USP14: variants seen among roughly 807,000 people sequenced by gnomAD.
The protein encoded by USP14 is ubiquitin specific peptidase 14.
USP14 carries 38 observed loss-of-function variants against 76.5 expected under a neutral mutation model. That is an observed-to-expected ratio of 0.50 (90% CI 0.38 to 0.65). The LOEUF (loss-of-function observed/expected upper bound fraction) is 0.65. USP14 is among the 30% of genes least tolerant of loss of function. The pLI is 0.00. For synonymous variants in USP14, 192 were observed against 191.7 expected (o/e 1.00, Z -0.01); for missense variants, 467 against 586.5 (o/e 0.80, Z 2.10).
chr18:211,418 G>A lies in USP14; in HGVS notation c.*134G>A, dbSNP rs1910666426. ...TCATTTGGAACAAAAGAGGACAGAAGCAGACCACTCTGTGCACCAACCTAA... is the reference window on the plus strand; with the variant it reads ...TCATTTGGAACAAAAGAGGACAGAAACAGACCACTCTGTGCACCAACCTAA... On this transcript the variant is annotated 3_prime_UTR_variant, in exon 16 of 16. Transcript: ENST00000261601. 3.3e-6 allele frequency: 3 copies of A among 915,420 alleles called. No homozygotes were observed. Among genetic ancestry groups the A allele is most frequent in the South Asian group, 2.0e-5 (1 of 49,970 alleles). The allele number at this position is 915,420 out of a possible 1,614,324, so 56.7% of individuals were successfully genotyped here.
chr18:174,460 G>A (rs1909568355), intron 3 of USP14, among the ~76,000 whole-genome samples: 1 of 151,704 alleles, frequency 6.6e-6, no homozygotes, highest in African/African-American at 2.4e-5. Context: ...GAGACGGGGT[G>A]TCACCATGTT....
rs1555603829 is a variant in USP14 at position 213,975 on chromosome 18, T to TAGATAGATAGATAGATTAGA, written c.*2691_*2692insAGATAGATAGATAGATTAGA. On this transcript the variant is annotated 3_prime_UTR_variant, in exon 16 of 16. Transcript: ENST00000261601. The stretch of plus-strand genomic sequence containing the variant: ...TTCTGTAATGGACAAGATAGATAGA[T>TAGATAGATAGATAGATTAGA]TAGATAGATAGATAGATAGATAGAT... 6.7e-6 allele frequency: 1 copy of TAGATAGATAGATAGATTAGA among 150,100 alleles called. No homozygotes were observed. The highest frequency in any genetic ancestry group is 1.5e-5 in the Non-Finnish European group (1 of 67,764). The allele number at this position is 150,100 out of a possible 1,614,324, so 9.3% of individuals were successfully genotyped here. A position where few individuals can be genotyped will look rare whatever the true frequency, so the allele number is the denominator to read the frequency against.
At chr18:159,896 T>C (rs1909068364) in intron 1 of USP14, among the ~76,000 whole-genome samples, 1 of 152,310 alleles carries the variant, frequency 6.6e-6, no homozygotes, top group Non-Finnish European at 1.5e-5. Flanking sequence ...ATTTCTAAGG[T>C]CCCTTCCTTT....
chr18:174,272 T>C (rs561283668), intron 3 of USP14, among the ~76,000 whole-genome samples: 3 of 105,290 alleles, frequency 2.8e-5, no homozygotes, highest in South Asian at 3.3e-4. Context: ...TTCTTTCTTT[T>C]TTTTTTTTTT....
intron 13 of USP14, among the ~76,000 whole-genome samples, chr18:209,121 CTT>C (rs35848582): frequency 1.2e-4 from 17 of 144,048 alleles, no homozygotes; most frequent in Admixed American, 2.1e-4. Context: ...GATGTTTTGC[CTT>C]TTTTTTTTTG....
chr18:196,203 A>C (rs2143063947), intron 6 of USP14, among the ~76,000 whole-genome samples: 1 of 152,046 alleles, frequency 6.6e-6, no homozygotes, highest in South Asian at 2.1e-4. Flanking sequence ...ATGCTCCTGT[A>C]ATCCCAGCTA....
chr18:185,369 G>T (rs1416225263), intron 5 of USP14, among the ~76,000 whole-genome samples: 1 of 152,042 alleles, frequency 6.6e-6, no homozygotes, highest in East Asian at 1.9e-4. Flanking sequence ...TATTGTCAAG[G>T]CTGGTTTCAA....
At chr18:182,513 G>A (rs1363700323) in intron 5 of USP14, among the ~76,000 whole-genome samples, 1 of 152,196 alleles carries the variant, frequency 6.6e-6, no homozygotes, top group African/African-American at 2.4e-5. Flanking sequence ...AGGTATTTAT[G>A]AGAAATTGCA....
chr18:175,756 T>TA (rs1351678863), intron 3 of USP14, among the ~76,000 whole-genome samples: 1 of 152,164 alleles, frequency 6.6e-6, no homozygotes, highest in African/African-American at 2.4e-5. Context: ...TCTGAGTTTG[T>TA]ATTAATATTT....
intron 6 of USP14, among the ~76,000 whole-genome samples, chr18:195,697 C>T (rs1464653026): frequency 1.3e-5 from 2 of 152,082 alleles, no homozygotes; most frequent in Non-Finnish European, 1.5e-5. Flanking sequence ...ATTTAAATCT[C>T]CAGGAGTTGA....
chr18:196,957 T>G (rs544036493), intron 7 of USP14, among the ~76,000 whole-genome samples, 190 bp downstream of exon 7: 1 of 152,322 alleles, frequency 6.6e-6, no homozygotes, highest in Non-Finnish European at 1.5e-5. Flanking sequence ...CCTTTGCAGT[T>G]TCTCTACACA....
chr18:163,534 T>C, intron 2 of USP14, 81 bp downstream of exon 2: 1 of 1,480,248 alleles, frequency 6.8e-7, no homozygotes, highest in Non-Finnish European at 9.1e-7. Flanking sequence ...TATTTAATTT[T>C]AATGTAGCAT....
intron 13 of USP14, among the ~76,000 whole-genome samples, chr18:208,554 T>C (rs1010717009): frequency 6.6e-6 from 1 of 152,160 alleles, no homozygotes; most frequent in African/African-American, 2.4e-5. Flanking sequence ...TTTCACTATA[T>C]CCTATGAATT....
intron 1 of USP14, 171 bp from the exon 2 acceptor site, chr18:163,137 T>C: frequency 1.9e-6 from 1 of 518,088 alleles, no homozygotes; most frequent in Non-Finnish European, 3.3e-6. Context: ...AGTGAAATTT[T>C]ATTCAGCACC....
intron 5 of USP14, among the ~76,000 whole-genome samples, chr18:186,490 T>G (rs1309413750): frequency 6.6e-6 from 1 of 151,754 alleles, no homozygotes; most frequent in South Asian, 2.1e-4. Context: ...CAGTGGCTCA[T>G]GCTTGTAATC....
chr18:213,365 T>C lies in USP14; in HGVS notation c.*2081T>C, dbSNP rs1910730683. 1 of 152,190 alleles carries C rather than the reference T, an allele frequency of 6.6e-6. No individual in the cohort carries two copies. Among genetic ancestry groups the C allele is most frequent in the Non-Finnish European group, 1.5e-5 (1 of 68,040 alleles). The allele number at this position is 152,190 out of a possible 1,614,324, so 9.4% of individuals were successfully genotyped here. ...ATTCCTTATCATCATTATAAAAAGC[T>C]TGATTTTTTTATTTGATCTAAAAAA... On this transcript the variant is annotated 3_prime_UTR_variant, in exon 16 of 16. Coordinates refer to ENST00000261601, the MANE Select transcript of USP14 (RefSeq NM_005151.4).
rs1335039079 is a variant in USP14, at chr18:174,627, A to T, written c.196-4306A>T. On this transcript the variant is annotated intron_variant, in intron 3 of 15. Coordinates refer to ENST00000261601, the MANE Select transcript of USP14 (RefSeq NM_005151.4). Reference sequence around the variant, plus strand: ...TTTCTTTCTTTTTTTTTTTTTTTTTAAAGACGAGGTCTTGCTTTGTCGGCT... The same window carrying T: ...TTTCTTTCTTTTTTTTTTTTTTTTTTAAGACGAGGTCTTGCTTTGTCGGCT... Among the ~76,000 whole-genome samples, 6 of 136,632 alleles carry T rather than the reference A, an allele frequency of 4.4e-5. No individual in the cohort carries two copies. In the East Asian group the frequency reaches 1.1e-3, roughly 24 times the overall value. The allele number at this position is 136,632 out of a possible 152,430, so 89.6% of individuals were successfully genotyped here. A position where few individuals can be genotyped will look rare whatever the true frequency, so the allele number is the denominator to read the frequency against.
chr18:158,636 G>A lies in USP14; in HGVS notation c.-63G>A. The A allele has an allele frequency of 6.7e-7, 1 of 1,501,994 alleles. No individual in the cohort carries two copies. The highest frequency in any genetic ancestry group is 1.2e-5 in the South Asian group (1 of 81,728). 93.0% of individuals were successfully genotyped at this position (1,501,994 alleles called of 1,614,324 possible). ...GCCGCCGCAGCTGCTCCTGGTCCCC[G>A]TCCCTTTGCCGCCCTCGTCAGGCCC... On this transcript the variant is annotated 5_prime_UTR_variant, in exon 1 of 16. Transcript: ENST00000261601.
intron 5 of USP14, among the ~76,000 whole-genome samples, chr18:189,487 CTTTG>C (rs1022428961): frequency 6.6e-6 from 1 of 151,270 alleles, no homozygotes; most frequent in African/African-American, 2.4e-5. Context: ...TTTGTTTTTT[CTTTG>C]TTTTTTTTTT....
Sources: gnomAD v4.1 joint callset for allele counts (sites outside exome capture counted in the v4.1 genomes callset) on GRCh38, gnomAD v4.1.1 for gene constraint, MANE v1.5 for transcripts, NCBI Gene and HGNC (gene_info 2026-07-23, HGNC 2026-07-21) for gene names.